VPS8: variants seen among roughly 807,000 people sequenced by gnomAD.
VPS8 encodes VPS8 subunit of CORVET complex, also known as vacuolar protein sorting-associated protein 8 homolog.
A neutral mutation model predicts 216.4 loss-of-function variants in VPS8; 129 were observed. That is an observed-to-expected ratio of 0.60 (90% confidence interval 0.52 to 0.69). VPS8 has a LOEUF of 0.69. Among genes scored for constraint, VPS8 ranks in the 30% least tolerant of loss-of-function variants. The pLI, the probability that VPS8 is intolerant of heterozygous loss-of-function variation, is 0.00. For missense variants in VPS8, 1,531 were observed against 1,683.5 expected (o/e 0.91, Z 1.59); for synonymous variants, 571 against 565.4 (o/e 1.01, Z -0.14).
intron 40 of VPS8, among the ~76,000 whole-genome samples, chr3:184,974,914 A>G (rs549913796): frequency 3.0e-4 from 45 of 152,186 alleles, no homozygotes; most frequent in African/African-American, 1.1e-3. Context: ...TCGTTGGTCT[A>G]TGTGTCTGTT....
Position 185,050,599 on chromosome 3 carries a change from C to T in VPS8, c.4138-1277C>T, listed in dbSNP as rs534530500. ...GGCGGGTGAATCCCACACCGCCACT[C>T]ACTGCTGGTGACCGAGGGCAAGTCA... On this transcript the variant is annotated intron_variant, in intron 47 of 47. Coordinates refer to ENST00000625842, the MANE Select transcript of VPS8 (RefSeq NM_001009921.3). Among the ~76,000 whole-genome samples, 5 of 152,368 alleles carry T rather than the reference C, an allele frequency of 3.3e-5. No homozygotes were observed. In the East Asian group the frequency reaches 7.7e-4, roughly 24 times the overall value.
At chr3:184,993,885 A>G (rs1253026450) in intron 42 of VPS8, 98 bp from the exon 43 acceptor site, 1 of 944,682 alleles carries the variant, frequency 1.1e-6, no homozygotes, top group Non-Finnish European at 1.6e-6. Flanking sequence ...GTGACTGTAG[A>G]AAAATACTTA....
intron 36 of VPS8, among the ~76,000 whole-genome samples, chr3:184,941,337 C>T (rs1576919689): frequency 6.7e-6 from 1 of 149,088 alleles, no homozygotes; most frequent in South Asian, 2.1e-4. Flanking sequence ...TTACAAAGCC[C>T]CCTCCACTTG....
chr3:185,021,333 A>C (rs566749069), intron 45 of VPS8, among the ~76,000 whole-genome samples: 1 of 152,146 alleles, frequency 6.6e-6, no homozygotes. Context: ...AAGGCCTTTC[A>C]TGAGGGATGC....
At chr3:185,005,807 T>G (rs1019559430) in intron 45 of VPS8, among the ~76,000 whole-genome samples, 2 of 152,112 alleles carry the variant, frequency 1.3e-5, no homozygotes, top group African/African-American at 4.8e-5. Flanking sequence ...GGATGGGTCT[T>G]TAGGGTTTTT....
In VPS8 at chr3:184,849,027, C is replaced by G. The variant is rs907956708; in HGVS notation, c.542-44C>G. ...CATGCCTGTACTCGATGTATTTACT[C>G]TCTTGCATTTCCTTCACTTGACTTT... On this transcript the variant is annotated intron_variant, in intron 8 of 47. Transcript: ENST00000625842. 3.1e-6 allele frequency: 5 copies of G among 1,607,346 alleles called. No individual in the cohort carries two copies. In the African/African-American group the frequency reaches 6.7e-5, roughly 22 times the overall value.
At chr3:184,996,622 G>C in intron 44 of VPS8, 121 bp downstream of exon 44, 1 of 1,149,952 alleles carries the variant, frequency 8.7e-7, no homozygotes, top group Non-Finnish European at 1.2e-6. Flanking sequence ...GCAAGTTCCT[G>C]CCCTCACAGA....
intron 21 of VPS8, among the ~76,000 whole-genome samples, chr3:184,871,996 A>G (rs1728430883): frequency 3.3e-5 from 5 of 152,136 alleles, no homozygotes; most frequent in South Asian, 2.1e-4. Flanking sequence ...TATTAAATTT[A>G]TCAGTAGAGA....
chr3:184,849,491 A>G (rs1366193893), intron 9 of VPS8: 1 of 252,722 alleles, frequency 4.0e-6, no homozygotes, highest in East Asian at 1.0e-4. Context: ...TCGTGTAAAT[A>G]ATGGAGGCTG....
chr3:184,889,760 C>G (rs532609899), intron 22 of VPS8, among the ~76,000 whole-genome samples: 1 of 152,232 alleles, frequency 6.6e-6, no homozygotes, highest in South Asian at 2.1e-4. Context: ...CTCTTTTGTT[C>G]TAGGTCTGTG....
At chr3:184,816,822 AC>A (rs1422958451) in intron 1 of VPS8, among the ~76,000 whole-genome samples, 6 of 152,240 alleles carry the variant, frequency 3.9e-5, no homozygotes, top group African/African-American at 1.4e-4. Flanking sequence ...GAGACATAGA[AC>A]AGCAGCTGAC....
intron 46 of VPS8, among the ~76,000 whole-genome samples, chr3:185,046,470 T>A (rs1049508300): frequency 4.3e-4 from 66 of 152,298 alleles, no homozygotes; most frequent in African/African-American, 1.5e-3. Context: ...TGGTGGAGTG[T>A]GGCCTGAGGT....
intron 25 of VPS8, among the ~76,000 whole-genome samples, chr3:184,901,953 G>A (rs1421001282): frequency 6.6e-6 from 1 of 152,156 alleles, no homozygotes; most frequent in Non-Finnish European, 1.5e-5. Context: ...TACTGTCAGT[G>A]TTTTAAAATC....
At chr3:184,865,986 T>TC (rs1370219909) in intron 16 of VPS8, among the ~76,000 whole-genome samples, 2 of 137,766 alleles carry the variant, frequency 1.5e-5, no homozygotes, top group African/African-American at 5.2e-5. Flanking sequence ...AGACTCCATC[T>TC]TAAAAAAAAA....
At chr3:184,856,143 T>C (rs1229696474) in intron 14 of VPS8, among the ~76,000 whole-genome samples, 1 of 152,226 alleles carries the variant, frequency 6.6e-6, no homozygotes, top group Admixed American at 6.5e-5. Context: ...GCAAGTATCA[T>C]TGAGCACCTA....
intron 21 of VPS8, among the ~76,000 whole-genome samples, chr3:184,883,585 G>A (rs541657744): frequency 5.7e-4 from 87 of 152,120 alleles, no homozygotes; most frequent in Middle Eastern, 6.8e-3. Context: ...TTTGTCCACG[G>A]TTCTTTATAC....
At chr3:184,952,303 T>C (rs560023486) in intron 36 of VPS8, among the ~76,000 whole-genome samples, 1 of 152,264 alleles carries the variant, frequency 6.6e-6, no homozygotes, top group South Asian at 2.1e-4. Context: ...TGGGGATTTT[T>C]CCCCACACAC....
intron 46 of VPS8, among the ~76,000 whole-genome samples, chr3:185,040,839 A>G (rs1158747150): frequency 6.6e-6 from 1 of 152,152 alleles, no homozygotes; most frequent in Non-Finnish European, 1.5e-5. Context: ...GACCCTTGGG[A>G]ATCATTTTTT....
At chr3:184,954,239 G>GGACCCTCCAC (rs1298327234) in intron 36 of VPS8, among the ~76,000 whole-genome samples, 1 of 152,182 alleles carries the variant, frequency 6.6e-6, no homozygotes, top group African/African-American at 2.4e-5. Context: ...CTGCCCTCCA[G>GGACCCTCCAC]GACCCTCCAC....
Sources: allele counts gnomAD v4.1 joint callset (sites outside exome capture counted in the v4.1 genomes callset), GRCh38; gene constraint gnomAD v4.1.1; transcripts MANE v1.5; gene names NCBI Gene and HGNC (gene_info 2026-07-23, HGNC 2026-07-21).